IL1RAPL2: variants seen among roughly 807,000 people sequenced by gnomAD.
IL1RAPL2 encodes the protein interleukin 1 receptor accessory protein like 2, also known as X-linked interleukin-1 receptor accessory protein-like 2.
In IL1RAPL2, 3 loss-of-function variants were observed where a neutral mutation model predicts 44.1. The ratio of observed to expected loss-of-function variants is 0.07; its 90% CI spans 0.03 to 0.18. The LOEUF is 0.18. Ranked by LOEUF, IL1RAPL2 falls within the 10% of genes least tolerant of loss-of-function variation. The probability of loss-of-function intolerance (pLI) is 1.00; values close to 1 mark genes in which losing one functional copy is unlikely to be tolerated. For synonymous variants in IL1RAPL2, 181 were observed against 178.8 expected, an observed-to-expected ratio of 1.01 and a Z score of -0.10; for missense variants, 391 against 496.4, an observed-to-expected ratio of 0.79 and a Z score of 2.02.
Position 104,658,887 on chromosome X carries a change from C to A in IL1RAPL2, c.-19-8C>A. ...TCAAACTTTATATCCTTTTTTTTGA[C>A]TTTTCAGCTGTCAAGAAAAGTGAAG... On this transcript the variant is annotated splice_region_variant and splice_polypyrimidine_tract_variant and intron_variant, in intron 1 of 10. Coordinates refer to ENST00000372582, the MANE Select transcript of IL1RAPL2 (RefSeq NM_017416.2). 1 of 1,142,630 alleles carries A rather than the reference C, an allele frequency of 8.8e-7. No individual in the cohort carries two copies. The highest frequency in any genetic ancestry group is 1.2e-6 in the Non-Finnish European group (1 of 838,254). 94.2% of individuals were successfully genotyped at this position (1,142,630 alleles called of 1,213,427 possible).
intron 2 of IL1RAPL2, among the ~76,000 whole-genome samples, chrX:104,906,564 C>G (rs897038056): frequency 1.8e-5 from 2 of 111,767 alleles, no homozygotes; most frequent in African/African-American, 6.5e-5. Flanking sequence ...TTGAGATAAT[C>G]ATGTGGTTTT....
intron 2 of IL1RAPL2, among the ~76,000 whole-genome samples, chrX:104,917,286 G>A (rs910692524): frequency 1.1e-4 from 12 of 111,685 alleles, no homozygotes; most frequent in African/African-American, 3.6e-4. Flanking sequence ...GAAAGTGAAA[G>A]AAAAGAATCT....
chrX:105,287,888 C>T (rs1270998168), intron 5 of IL1RAPL2, among the ~76,000 whole-genome samples: 5 of 111,132 alleles, frequency 4.5e-5, no homozygotes, highest in Middle Eastern at 4.2e-3. Flanking sequence ...GTTAGAAATT[C>T]AGGAATTTCT....
chrX:105,289,829 A>G (rs1008460140), intron 5 of IL1RAPL2, among the ~76,000 whole-genome samples: 1 of 111,703 alleles, frequency 9.0e-6, no homozygotes, highest in Non-Finnish European at 1.9e-5. Flanking sequence ...AAGCAAATCT[A>G]TGATATCACT....
chrX:104,932,836 G>A (rs1003347639), intron 2 of IL1RAPL2, among the ~76,000 whole-genome samples: 1 of 112,261 alleles, frequency 8.9e-6, no homozygotes, highest in Non-Finnish European at 1.9e-5. Flanking sequence ...ACATACCGAT[G>A]TTAGTAGGGA....
At chrX:104,921,777 C>T (rs1465445561) in intron 2 of IL1RAPL2, among the ~76,000 whole-genome samples, 1 of 112,426 alleles carries the variant, frequency 8.9e-6, no homozygotes, top group South Asian at 3.7e-4. Flanking sequence ...CAGGGAGTAT[C>T]ATGAATGCCT....
At chrX:104,900,049 C>A (rs771773353) in intron 2 of IL1RAPL2, among the ~76,000 whole-genome samples, 2 of 111,691 alleles carry the variant, frequency 1.8e-5, no homozygotes, top group Non-Finnish European at 3.8e-5. Context: ...TATTAGCGAA[C>A]TTCATTATCT....
At chrX:105,290,912 A>T (rs1202442629) in intron 5 of IL1RAPL2, among the ~76,000 whole-genome samples, 1 of 111,239 alleles carries the variant, frequency 9.0e-6, no homozygotes, top group Admixed American at 9.6e-5. Context: ...TAATAGGAAC[A>T]TTTCTCTTTT....
At chrX:104,783,290 T>C (rs1932783598) in intron 2 of IL1RAPL2, among the ~76,000 whole-genome samples, 1 of 111,318 alleles carries the variant, frequency 9.0e-6, no homozygotes, top group South Asian at 3.8e-4. Context: ...TAGGATGACA[T>C]GTTAGACATT....
chrX:105,294,106 C>T (rs1232587784), intron 5 of IL1RAPL2, among the ~76,000 whole-genome samples: 1 of 112,233 alleles, frequency 8.9e-6, no homozygotes, highest in Non-Finnish European at 1.9e-5. Flanking sequence ...GTTCAGTGGA[C>T]AAAGTTCCTC....
intron 6 of IL1RAPL2, among the ~76,000 whole-genome samples, chrX:105,593,249 G>GA: frequency 8.9e-6 from 1 of 111,907 alleles, no homozygotes; most frequent in East Asian, 2.8e-4. Context: ...ACTGTATTAT[G>GA]AAATTATTGT....
intron 1 of IL1RAPL2, among the ~76,000 whole-genome samples, chrX:104,632,657 G>A (rs1219258161): frequency 6.5e-5 from 7 of 107,473 alleles, no homozygotes; most frequent in Non-Finnish European, 1.2e-4. Context: ...TGTTATTGGT[G>A]TATAAGAATG....
intron 2 of IL1RAPL2, among the ~76,000 whole-genome samples, chrX:104,952,707 AG>A (rs768746728): frequency 8.9e-6 from 1 of 111,792 alleles, no homozygotes; most frequent in South Asian, 3.7e-4. Context: ...TGCATTCATC[AG>A]CTGATAAAGC....
chrX:105,042,819 G>T (rs1213048571), intron 2 of IL1RAPL2, among the ~76,000 whole-genome samples: 3 of 107,513 alleles, frequency 2.8e-5, no homozygotes, highest in Non-Finnish European at 5.8e-5. Flanking sequence ...CAAAGACTTG[G>T]AACCAACCCA....
intron 2 of IL1RAPL2, among the ~76,000 whole-genome samples, chrX:104,891,391 G>A (rs754303864): frequency 8.9e-6 from 1 of 112,183 alleles, no homozygotes; most frequent in South Asian, 3.7e-4. Context: ...ACCTTGGGCA[G>A]TATTGCCATT....
chrX:105,038,840 T>G (rs1377183802), intron 2 of IL1RAPL2, among the ~76,000 whole-genome samples: 3 of 110,941 alleles, frequency 2.7e-5, no homozygotes, highest in African/African-American at 9.8e-5. Context: ...TAGTTACTTC[T>G]TTGCACCTCT....
chrX:105,191,212 TGTTTGTTTGTTTGTTTGTTTTG>T (rs1556136917), intron 2 of IL1RAPL2, among the ~76,000 whole-genome samples: 2 of 112,089 alleles, frequency 1.8e-5, no homozygotes, highest in East Asian at 5.6e-4. Flanking sequence ...TAAAGCATTT[TGTTTGTTTGTTTGTTTGTTTTG>T]AGACGGAGTC....
chrX:105,378,319 A>G (rs915058071), intron 5 of IL1RAPL2, among the ~76,000 whole-genome samples: 3 of 111,917 alleles, frequency 2.7e-5, no homozygotes, highest in Non-Finnish European at 5.7e-5. Context: ...GACATAGATC[A>G]CCATTTTCAC....
At chrX:105,265,813 TGAACAC>T (rs2034397655) in intron 4 of IL1RAPL2, among the ~76,000 whole-genome samples, 1 of 110,947 alleles carries the variant, frequency 9.0e-6, no homozygotes, top group Non-Finnish European at 1.9e-5. Flanking sequence ...CACATACACA[TGAACAC>T]AAACACACAA....
Sources: allele counts gnomAD v4.1 joint callset (sites outside exome capture counted in the v4.1 genomes callset), GRCh38; gene constraint gnomAD v4.1.1; transcripts MANE v1.5; gene names NCBI Gene and HGNC (gene_info 2026-07-23, HGNC 2026-07-21).